Variants in PSORS1C1 observed in about 807,000 individuals in gnomAD.
The protein encoded by PSORS1C1 is psoriasis susceptibility 1 candidate gene 1 protein.
Under a neutral mutation model 9.4 loss-of-function variants are expected in PSORS1C1, and 7 were observed. The observed-to-expected ratio is 0.75, with a 90% confidence interval of 0.42 to 1.40. PSORS1C1 has a LOEUF of 1.40. PSORS1C1 is among the 40% of genes most tolerant of loss of function. The pLI, the probability that PSORS1C1 is intolerant of heterozygous loss-of-function variation, is 0.01. For synonymous variants in PSORS1C1, 63 were observed against 69.4 expected, an observed-to-expected ratio of 0.91 and a Z score of 0.46; for missense variants, 146 against 178.1, an observed-to-expected ratio of 0.82 and a Z score of 1.02.
At chr6:31,124,392 C>T (rs1772592606) in intron 1 of PSORS1C1, among the ~76,000 whole-genome samples, 1 of 152,222 alleles carries the variant, frequency 6.6e-6, no homozygotes. Context: ...ATCTTCACAA[C>T]AGCCCTACAG....
chr6:31,117,606 A>G, intron 1 of PSORS1C1: 3 of 1,250,568 alleles, frequency 2.4e-6, no homozygotes, highest in Admixed American at 4.0e-5. Flanking sequence ...TATCTCAGTC[A>G]TCGGCCTCTC....
chr6:31,130,650 C>T (rs1429997279), intron 3 of PSORS1C1, among the ~76,000 whole-genome samples: 3 of 152,128 alleles, frequency 2.0e-5, no homozygotes, highest in Admixed American at 6.6e-5. Context: ...ATCCGCCCAC[C>T]TCGGCCTCCC....
At chr6:31,126,394 C>T (rs939281894) in intron 2 of PSORS1C1, among the ~76,000 whole-genome samples, 5 of 152,204 alleles carry the variant, frequency 3.3e-5, no homozygotes, top group Admixed American at 1.3e-4. Context: ...TTAGGTGCCC[C>T]CACTGCAGCA....
At position 31,115,713 on chromosome 6, in the gene PSORS1C1, C is replaced by T. The variant is rs766931473; in HGVS notation, c.-229+822C>T. The stretch of plus-strand genomic sequence containing the variant: ...GCTGATGGGGGTGTTACTCAATGGA[C>T]CATTTCCACACAGTAGAGGGAATTG... On this transcript the variant is annotated intron_variant, in intron 1 of 5. Transcript: ENST00000259881. This position sits in a 1 kb window ranked among gnomAD's most constrained non-coding sequence, Gnocchi z 4.2. 9 of 422,310 alleles carry T rather than the reference C, an allele frequency of 2.1e-5. No individual in the cohort carries two copies. The highest frequency in any genetic ancestry group is 3.0e-5 in the Non-Finnish European group (7 of 237,210). The allele number at this position is 422,310 out of a possible 1,614,324, so 26.2% of individuals were successfully genotyped here.
chr6:31,117,718 T>C, intron 1 of PSORS1C1: 1 of 612,148 alleles, frequency 1.6e-6, no homozygotes, highest in Non-Finnish European at 2.9e-6. Context: ...AATAAAGGCA[T>C]TTCTTTGTTT....
chr6:31,138,812 C>T lies in PSORS1C1; in HGVS notation c.167+33C>T, dbSNP rs1339944653. The T allele has an allele frequency of 4.3e-6, 7 of 1,613,674 alleles. No individual in the cohort carries two copies. In the Admixed American group the frequency reaches 6.7e-5, roughly 15 times the overall value. ...CCAAATGCACCTTCTGCACCATGTC[C>T]CCCACCCAATGTGTCCAGAAAGCCA... On this transcript the variant is annotated intron_variant, in intron 5 of 5. Coordinates refer to ENST00000259881, the MANE Select transcript of PSORS1C1 (RefSeq NM_014068.3).
chr6:31,139,566 G>A lies in PSORS1C1; in HGVS notation c.168-75G>A, dbSNP rs1044384408. On this transcript the variant is annotated intron_variant, in intron 5 of 5. Transcript: ENST00000259881. The surrounding 1 kb of genome is among the most constrained non-coding windows in gnomAD (Gnocchi z 5.2). ...CCCCGCACTGAAAGCTCCCCCTGGG[G>A]CTTCGTGCTTTCCTGGGCACTTCCC... The A allele has an allele frequency of 4.9e-5, 72 of 1,479,956 alleles. No homozygotes were observed. The highest frequency in any genetic ancestry group is 1.1e-4 in the Admixed American group (6 of 55,340). 91.7% of individuals were successfully genotyped at this position (1,479,956 alleles called of 1,614,324 possible).
rs3130982 is a variant in PSORS1C1, at chr6:31,116,298, G to T, written c.-229+1407G>T. ...AAGGCTGAAGGATGATTTTGCCACT[G>T]GATTGGGAACTGGAGCTGCTGCTGA... On this transcript the variant is annotated intron_variant, in intron 1 of 5. Transcript: ENST00000259881. 10,252 of 1,613,738 alleles carry T rather than the reference G, an allele frequency of 6.4e-3. 501 individuals are homozygous for T. In the South Asian group the frequency reaches 0.083, roughly 13 times the overall value.
At chr6:31,127,855 A>G (rs1311202534) in intron 2 of PSORS1C1, among the ~76,000 whole-genome samples, 1 of 151,770 alleles carries the variant, frequency 6.6e-6, no homozygotes, top group African/African-American at 2.4e-5. Flanking sequence ...GACCATCCCT[A>G]TTTCCTCGCT....
At chr6:31,120,950 C>T (rs946705331) in intron 1 of PSORS1C1, among the ~76,000 whole-genome samples, 1 of 149,806 alleles carries the variant, frequency 6.7e-6, no homozygotes. Context: ...CCTTAGGACC[C>T]CATCACTCCA....
At chr6:31,133,006 G>C (rs1038313645) in intron 3 of PSORS1C1, among the ~76,000 whole-genome samples, 3 of 151,974 alleles carry the variant, frequency 2.0e-5, no homozygotes, top group African/African-American at 7.3e-5. Flanking sequence ...GGGCGGGCTG[G>C]GGGAGTGGGA....
intron 3 of PSORS1C1, chr6:31,133,549 T>C (rs1773013345): frequency 6.6e-6 from 1 of 152,386 alleles, no homozygotes; most frequent in Non-Finnish European, 1.5e-5. Flanking sequence ...TGTTCTTCTC[T>C]CAGGTCCCGC....
intron 3 of PSORS1C1, among the ~76,000 whole-genome samples, chr6:31,137,142 G>A (rs3094664): frequency 0.49 from 71,660 of 147,018 alleles, 19,069 homozygotes; most frequent in African/African-American, 0.73. Context: ...GTGAGACTCC[G>A]TCTAAAAAAA....
Position 31,117,203 on chromosome 6 carries a change from T to C in PSORS1C1, c.-229+2312T>C, listed in dbSNP as rs778813031. ...GAGCCGCTGTTTCCCGAGTGAGAGC[T>C]GCTGCTCCCCAGCTGGGAGGAACCG... On this transcript the variant is annotated intron_variant, in intron 1 of 5. Coordinates refer to ENST00000259881, the MANE Select transcript of PSORS1C1 (RefSeq NM_014068.3). 32 of 1,613,720 alleles carry C rather than the reference T, an allele frequency of 2.0e-5. No individual in the cohort carries two copies. The highest frequency in any genetic ancestry group is 2.5e-5 in the Non-Finnish European group (29 of 1,179,792).
chr6:31,120,353 C>T, intron 1 of PSORS1C1: 1 of 1,589,968 alleles, frequency 6.3e-7, no homozygotes, highest in Non-Finnish European at 8.6e-7. Context: ...AGGAGACCAG[C>T]CAGCAGCAGT....
At chr6:31,136,588 C>T (rs981314664) in intron 3 of PSORS1C1, among the ~76,000 whole-genome samples, 3 of 152,068 alleles carry the variant, frequency 2.0e-5, no homozygotes, top group African/African-American at 2.4e-5. Context: ...CGACACACCC[C>T]TGGGAAGGTT....
At chr6:31,126,056 C>T (rs1772667357) in intron 2 of PSORS1C1, among the ~76,000 whole-genome samples, 1 of 152,010 alleles carries the variant, frequency 6.6e-6, no homozygotes, top group Non-Finnish European at 1.5e-5. Flanking sequence ...GAGGGATTCA[C>T]TGATGGCCTT....
chr6:31,138,309 G>A, intron 3 of PSORS1C1, 121 bp from the exon 4 acceptor site: 2 of 1,602,112 alleles, frequency 1.2e-6, no homozygotes, highest in Non-Finnish European at 1.7e-6. Context: ...TGAGATGCCT[G>A]TAAAGGAGGA....
At chr6:31,131,447 A>C (rs1270545723) in intron 3 of PSORS1C1, among the ~76,000 whole-genome samples, 2 of 151,974 alleles carry the variant, frequency 1.3e-5, no homozygotes, top group Admixed American at 6.6e-5. Flanking sequence ...AACTACAAAA[A>C]TTAGCCAGGT....
Sources: gnomAD v4.1 joint callset for allele counts (sites outside exome capture counted in the v4.1 genomes callset) on GRCh38, gnomAD v4.1.1 for gene constraint, Gnocchi (gnomAD v3.1) non-coding constraint, MANE v1.5 for transcripts, NCBI Gene and HGNC (gene_info 2026-07-23, HGNC 2026-07-21) for gene names.